The following GRID2 variants were observed in gnomAD, a reference collection of about 807,000 sequenced individuals.
GRID2 encodes glutamate ionotropic receptor delta type subunit 2.
In GRID2, 33 loss-of-function variants were observed where a neutral mutation model predicts 114.8. The observed-to-expected ratio is 0.29, with a 90% confidence interval of 0.22 to 0.38. The LOEUF (loss-of-function observed/expected upper bound fraction) is 0.38. GRID2 is among the 10% of genes least tolerant of loss of function. The pLI is 1.00. For synonymous variants in GRID2, 505 were observed against 449.9 expected (o/e 1.12, Z -1.55); for missense variants, 1,184 against 1,257.7 (o/e 0.94, Z 0.89).
chr4:93,017,755 A>G (rs2149241300), intron 2 of GRID2, among the ~76,000 whole-genome samples: 1 of 150,306 alleles, frequency 6.7e-6, no homozygotes, highest in East Asian at 2.0e-4. Flanking sequence ...AGATTGCACC[A>G]CTGCACTCCA....
chr4:93,629,121 A>C (rs1029181955), intron 14 of GRID2, among the ~76,000 whole-genome samples: 2 of 152,184 alleles, frequency 1.3e-5, no homozygotes, highest in Non-Finnish European at 2.9e-5. Flanking sequence ...GTAATTAAAG[A>C]AATGTTTAAT....
intron 2 of GRID2, among the ~76,000 whole-genome samples, chr4:92,709,589 A>AAAAAATATATATAT (rs779775767): frequency 2.6e-5 from 3 of 114,656 alleles, no homozygotes; most frequent in African/African-American, 6.9e-5. Context: ...AAAAAAAAAA[A>AAAAAATATATATAT]ATATATATAT....
At chr4:93,012,856 T>C (rs1250771261) in intron 2 of GRID2, among the ~76,000 whole-genome samples, 2 of 152,046 alleles carry the variant, frequency 1.3e-5, no homozygotes, top group East Asian at 3.9e-4. Flanking sequence ...AGATTATACA[T>C]ATGCATGTGT....
intron 2 of GRID2, among the ~76,000 whole-genome samples, chr4:92,698,611 T>G (rs1253108454): frequency 1.3e-5 from 2 of 151,938 alleles, no homozygotes; most frequent in Non-Finnish European, 2.9e-5. Flanking sequence ...TTTTAGTATT[T>G]CTGATATAGA....
chr4:92,529,939 A>G (rs1262471558), intron 1 of GRID2, among the ~76,000 whole-genome samples: 3 of 152,154 alleles, frequency 2.0e-5, no homozygotes, highest in African/African-American at 7.2e-5. Flanking sequence ...CATATGGGTG[A>G]GAAGAGGAAG....
At chr4:92,922,659 ACAT>A (rs1250323027) in intron 2 of GRID2, among the ~76,000 whole-genome samples, 1 of 152,206 alleles carries the variant, frequency 6.6e-6, no homozygotes, top group African/African-American at 2.4e-5. Context: ...ACTCAAGTAT[ACAT>A]CAGCAGGAGG....
chr4:93,149,741 C>T (rs1736574140), intron 4 of GRID2, among the ~76,000 whole-genome samples: 1 of 151,912 alleles, frequency 6.6e-6, no homozygotes, highest in Non-Finnish European at 1.5e-5. Context: ...TCAAATGATT[C>T]TCCTGCCTCA....
At chr4:92,473,743 C>T (rs1243422616) in intron 1 of GRID2, among the ~76,000 whole-genome samples, 1 of 151,962 alleles carries the variant, frequency 6.6e-6, no homozygotes. Flanking sequence ...TAGTGTTGTT[C>T]AAGTCTTACT....
intron 1 of GRID2, among the ~76,000 whole-genome samples, chr4:92,310,953 G>T (rs1327594776): frequency 6.6e-6 from 1 of 152,100 alleles, no homozygotes; most frequent in Non-Finnish European, 1.5e-5. Flanking sequence ...AATTGAAGAT[G>T]TCTTTGTTGC....
chr4:93,725,230 G>C (rs182926264), intron 14 of GRID2, among the ~76,000 whole-genome samples: 1 of 152,068 alleles, frequency 6.6e-6, no homozygotes, highest in Admixed American at 6.5e-5. Flanking sequence ...GAGAACATGC[G>C]GTGTTTGGTT....
At chr4:93,258,769 T>C (rs926052001) in intron 8 of GRID2, 2 of 359,436 alleles carry the variant, frequency 5.6e-6, no homozygotes, top group Non-Finnish European at 1.1e-5. Flanking sequence ...TTTAAAGCTA[T>C]AATTAACCAC....
intron 2 of GRID2, among the ~76,000 whole-genome samples, chr4:93,073,307 A>G (rs1321703459): frequency 6.6e-6 from 1 of 152,226 alleles, no homozygotes; most frequent in Non-Finnish European, 1.5e-5. Context: ...AATTTATCTT[A>G]TAAACAGATA....
chr4:93,728,767 T>C (rs1050637293), intron 14 of GRID2, among the ~76,000 whole-genome samples: 2 of 152,160 alleles, frequency 1.3e-5, no homozygotes, highest in Non-Finnish European at 2.9e-5. Context: ...TTTTGATCTT[T>C]GTTGGTTTAA....
intron 2 of GRID2, among the ~76,000 whole-genome samples, chr4:92,619,608 TC>T (rs1256121309): frequency 1.3e-5 from 2 of 151,598 alleles, no homozygotes; most frequent in South Asian, 4.1e-4. Flanking sequence ...TCAAATCAGC[TC>T]CCCTCCCAAC....
intron 2 of GRID2, among the ~76,000 whole-genome samples, chr4:92,772,360 C>T (rs758423150): frequency 6.6e-6 from 1 of 152,076 alleles, no homozygotes; most frequent in Non-Finnish European, 1.5e-5. Flanking sequence ...TCTTACCTTT[C>T]TGTGTCCCTC....
chr4:93,350,185 A>T (rs1453787324), intron 8 of GRID2, among the ~76,000 whole-genome samples: 2 of 152,080 alleles, frequency 1.3e-5, no homozygotes, highest in African/African-American at 4.8e-5. Context: ...TATCTGTAAA[A>T]CACCCATCTA....
intron 12 of GRID2, among the ~76,000 whole-genome samples, chr4:93,511,824 G>A (rs1223333871): frequency 4.9e-5 from 7 of 141,620 alleles, no homozygotes; most frequent in African/African-American, 1.6e-4. Context: ...TGCTCTTGTC[G>A]CCCAGGCTAG....
At chr4:93,206,162 C>A (rs2149468109) in intron 4 of GRID2, among the ~76,000 whole-genome samples, 1 of 152,022 alleles carries the variant, frequency 6.6e-6, no homozygotes, top group South Asian at 2.1e-4. Context: ...TATCTCTACA[C>A]CTCAATAAAG....
intron 1 of GRID2, among the ~76,000 whole-genome samples, chr4:92,360,474 T>A (rs1728560832): frequency 6.6e-6 from 1 of 151,910 alleles, no homozygotes; most frequent in African/African-American, 2.4e-5. Flanking sequence ...ATATGCCAGA[T>A]TCTAGACATA....
Sources: allele counts gnomAD v4.1 joint callset (sites outside exome capture counted in the v4.1 genomes callset), GRCh38; gene constraint gnomAD v4.1.1; transcripts MANE v1.5; gene names NCBI Gene and HGNC (gene_info 2026-07-23, HGNC 2026-07-21).